Variants in FBXL13 observed in about 807,000 individuals in gnomAD.
The protein encoded by FBXL13 is F-box and leucine-rich repeat protein 13.
FBXL13 carries 67 observed loss-of-function variants against 83.6 expected under a neutral mutation model. That is an observed-to-expected ratio of 0.80 (90% CI 0.66 to 0.98). The LOEUF (loss-of-function observed/expected upper bound fraction) is 0.98. Among genes scored for constraint, FBXL13 ranks in the 50% least tolerant of loss-of-function variants. The probability of loss-of-function intolerance (pLI) is 0.00; values close to 1 mark genes in which losing one functional copy is unlikely to be tolerated. For synonymous variants in FBXL13, 272 were observed against 299.5 expected (o/e 0.91, Z 0.95); for missense variants, 822 against 866.5 (o/e 0.95, Z 0.64).
chr7:103,026,943 A>G (rs1162780764), intron 5 of FBXL13, among the ~76,000 whole-genome samples: 1 of 152,222 alleles, frequency 6.6e-6, no homozygotes, highest in East Asian at 1.9e-4. Flanking sequence ...ATACTAAACC[A>G]ATATTAAGTA....
At chr7:102,839,554 G>C (rs986090966) in intron 17 of FBXL13, among the ~76,000 whole-genome samples, 1 of 152,150 alleles carries the variant, frequency 6.6e-6, no homozygotes, top group Admixed American at 6.5e-5. Context: ...CTGGGTTCAA[G>C]AGATTCTCGT....
At chr7:102,887,644 C>G (rs1220010574) in intron 11 of FBXL13, among the ~76,000 whole-genome samples, 2 of 152,186 alleles carry the variant, frequency 1.3e-5, no homozygotes, top group East Asian at 1.9e-4. Context: ...TCTTGGAGAC[C>G]TGTCTTTATT....
intron 1 of FBXL13, among the ~76,000 whole-genome samples, chr7:103,065,383 T>G (rs1460672571): frequency 6.6e-6 from 1 of 152,212 alleles, no homozygotes; most frequent in African/African-American, 2.4e-5. Flanking sequence ...TGCATAAATC[T>G]TATTAGTATA....
intron 6 of FBXL13, among the ~76,000 whole-genome samples, chr7:103,024,092 C>G (rs1442895403): frequency 4.2e-5 from 6 of 142,978 alleles, no homozygotes; most frequent in Non-Finnish European, 1.5e-5. Flanking sequence ...CTACATATAA[C>G]AAACCTTCAC....
intron 6 of FBXL13, among the ~76,000 whole-genome samples, chr7:103,001,027 C>T (rs1191107566): frequency 2.0e-5 from 3 of 152,302 alleles, no homozygotes; most frequent in South Asian, 4.1e-4. Context: ...TCACTGAAGC[C>T]TCAACCTCCT....
At chr7:102,982,721 C>A (rs1255162483) in intron 6 of FBXL13, among the ~76,000 whole-genome samples, 1 of 152,134 alleles carries the variant, frequency 6.6e-6, no homozygotes, top group African/African-American at 2.4e-5. Context: ...TCATTTGCAA[C>A]CATGATTGTG....
intron 6 of FBXL13, among the ~76,000 whole-genome samples, chr7:102,991,354 T>A (rs1829540149): frequency 6.6e-6 from 1 of 152,180 alleles, no homozygotes; most frequent in Non-Finnish European, 1.5e-5. Flanking sequence ...TTGGTAATGA[T>A]GAATTGGCTT....
chr7:102,839,427 CTG>C (rs1802548640), intron 17 of FBXL13, among the ~76,000 whole-genome samples: 1 of 152,228 alleles, frequency 6.6e-6, no homozygotes, highest in Non-Finnish European at 1.5e-5. Flanking sequence ...TACTTTGTCT[CTG>C]TGTCTTATTT....
intron 2 of FBXL13, among the ~76,000 whole-genome samples, chr7:103,030,902 T>C (rs997321181): frequency 7.9e-5 from 12 of 152,172 alleles, no homozygotes; most frequent in Non-Finnish European, 1.5e-4. Flanking sequence ...TTTCTCTTCA[T>C]AAATTTTTAT....
At chr7:103,074,016 C>T (rs1244126747) in intron 1 of FBXL13, among the ~76,000 whole-genome samples, 3 of 152,182 alleles carry the variant, frequency 2.0e-5, no homozygotes, top group Non-Finnish European at 4.4e-5. Context: ...GCTTCCTACC[C>T]CCAAACCTAC....
At chr7:102,908,912 T>A (rs903150637) in intron 11 of FBXL13, among the ~76,000 whole-genome samples, 2 of 152,226 alleles carry the variant, frequency 1.3e-5, no homozygotes, top group Non-Finnish European at 2.9e-5. Flanking sequence ...ACTGCCATTG[T>A]TCACTCAAGG....
At chr7:102,936,328 T>C (rs551581314) in intron 8 of FBXL13, 2 of 152,314 alleles carry the variant, frequency 1.3e-5, no homozygotes, top group African/African-American at 4.8e-5. Context: ...CACAGGTAAG[T>C]AGCAAAGCTA....
intron 6 of FBXL13, among the ~76,000 whole-genome samples, chr7:102,993,574 T>C (rs1261530564): frequency 6.6e-6 from 1 of 152,194 alleles, no homozygotes; most frequent in Non-Finnish European, 1.5e-5. Flanking sequence ...GGCTTTTCTC[T>C]GTGTTGCTTG....
chr7:103,007,576 G>A (rs1359099456), intron 6 of FBXL13, among the ~76,000 whole-genome samples: 2 of 151,970 alleles, frequency 1.3e-5, no homozygotes, highest in African/African-American at 2.4e-5. Flanking sequence ...TGTTAAAGGG[G>A]GTTCTTTATG....
chr7:103,013,876 A>C (rs902159156), intron 6 of FBXL13, among the ~76,000 whole-genome samples: 1 of 152,146 alleles, frequency 6.6e-6, no homozygotes, highest in Non-Finnish European at 1.5e-5. Flanking sequence ...GTAATAATAC[A>C]AGGTAGACTG....
intron 16 of FBXL13, among the ~76,000 whole-genome samples, chr7:102,858,690 A>G (rs770502942): frequency 6.6e-6 from 1 of 152,260 alleles, no homozygotes; most frequent in Non-Finnish European, 1.5e-5. Context: ...ATGCTACTAT[A>G]TGAACGAAAC....
intron 8 of FBXL13, among the ~76,000 whole-genome samples, chr7:102,948,418 G>A (rs1310261224): frequency 2.0e-5 from 3 of 151,632 alleles, no homozygotes; most frequent in Admixed American, 6.6e-5. Context: ...TGCCTTTTAA[G>A]GATTTATTTA....
chr7:102,995,478 CAAAAAA>C (rs1158263069), intron 6 of FBXL13, among the ~76,000 whole-genome samples: 1 of 28,602 alleles, frequency 3.5e-5, no homozygotes, highest in African/African-American at 1.6e-4. Context: ...GACTCCATCT[CAAAAAA>C]AAAAAAAAAA....
chr7:103,019,862 CAGAT>C (rs1422962952), intron 6 of FBXL13, among the ~76,000 whole-genome samples: 2 of 152,124 alleles, frequency 1.3e-5, no homozygotes, highest in Non-Finnish European at 2.9e-5. Flanking sequence ...AGGCCAGGAC[CAGAT>C]AGATTCACAG....
Sources: gnomAD v4.1 joint callset for allele counts (sites outside exome capture counted in the v4.1 genomes callset) on GRCh38, gnomAD v4.1.1 for gene constraint, MANE v1.5 for transcripts, NCBI Gene and HGNC (gene_info 2026-07-23, HGNC 2026-07-21) for gene names.